The following MYO16 variants were observed in gnomAD, a reference collection of about 807,000 sequenced individuals.
MYO16 encodes the protein unconventional myosin-XVI.
A neutral mutation model predicts 205.3 loss-of-function variants in MYO16; 94 were observed. The ratio of observed to expected loss-of-function variants is 0.46; its 90% CI spans 0.39 to 0.54. The LOEUF (loss-of-function observed/expected upper bound fraction) is 0.54, where lower values mean the gene tolerates loss of function less well. Among genes scored for constraint, MYO16 ranks in the 20% least tolerant of loss-of-function variants. MYO16 has a pLI of 0.00. For synonymous variants in MYO16, 988 were observed against 954.0 expected (o/e 1.04, Z -0.66); for missense variants, 2,315 against 2,387.5 (o/e 0.97, Z 0.63).
chr13:108,678,252 C>T (rs376180462), intron 2 of MYO16, among the ~76,000 whole-genome samples: 4 of 152,292 alleles, frequency 2.6e-5, no homozygotes, highest in African/African-American at 7.2e-5. Context: ...CTTCATAAAG[C>T]AGCATTTGCA....
chr13:108,595,517 G>A (rs531063427), upstream of MYO16, among the ~76,000 whole-genome samples: 12 of 152,250 alleles, frequency 7.9e-5, no homozygotes, highest in South Asian at 2.1e-4. Flanking sequence ...AGGTAGTTCC[G>A]TTCTTTTAGT....
At chr13:108,534,709 AG>A in the MYO16 span, among the ~76,000 whole-genome samples, 1 of 151,676 alleles carries the variant, frequency 6.6e-6, no homozygotes, top group South Asian at 2.1e-4. Flanking sequence ...ATAGGTGAAA[AG>A]TAATACCTGA....
chr13:108,666,227 A>T, intron 2 of MYO16, 78 bp downstream of exon 2: 2 of 1,434,284 alleles, frequency 1.4e-6, no homozygotes, highest in Non-Finnish European at 1.9e-6. Flanking sequence ...TGTTTTTTTG[A>T]TGGAGAGATG....
At position 108,986,064 on chromosome 13, in the gene MYO16, G is replaced by A. The variant is rs73616481; in HGVS notation, c.2370-6312G>A. 7.1e-3 allele frequency among the ~76,000 whole-genome samples: 1,086 copies of A among 152,248 alleles called. 10 individuals are homozygous for A. Among genetic ancestry groups the A allele is most frequent in the African/African-American group, 0.023 (963 of 41,534 alleles). ...CTTACATGGCAGCAGGCAAGAGAGC[G>A]TGTGCAAAAGGAACCACCTTTTATA... On this transcript the variant is annotated intron_variant, in intron 20 of 34. Coordinates refer to ENST00000457511, the MANE Select transcript of MYO16 (RefSeq NM_001198950.3).
intron 1 of MYO16, among the ~76,000 whole-genome samples, chr13:108,642,438 G>A (rs545126075): frequency 2.6e-5 from 4 of 152,196 alleles, no homozygotes; most frequent in Admixed American, 2.0e-4. Flanking sequence ...GTAACTTTGG[G>A]TGTTTTTGTT....
At chr13:108,900,626 A>T (rs1444715543) in intron 15 of MYO16, among the ~76,000 whole-genome samples, 1 of 152,156 alleles carries the variant, frequency 6.6e-6, no homozygotes, top group Non-Finnish European at 1.5e-5. Flanking sequence ...GTGATTTCCT[A>T]TGCCTGTCTT....
intron 20 of MYO16, among the ~76,000 whole-genome samples, chr13:108,970,398 C>T (rs527828572): frequency 2.6e-5 from 4 of 152,206 alleles, no homozygotes; most frequent in Admixed American, 1.3e-4. Flanking sequence ...AATCAGGTCC[C>T]GAGACTTTTC....
chr13:108,771,210 T>C (rs1885952509), intron 4 of MYO16, among the ~76,000 whole-genome samples: 1 of 152,100 alleles, frequency 6.6e-6, no homozygotes, highest in South Asian at 2.1e-4. Context: ...GAGAGGGTAG[T>C]CCTCACTTTT....
At chr13:109,147,222 G>T (rs1877383696) in intron 32 of MYO16, among the ~76,000 whole-genome samples, 1 of 152,136 alleles carries the variant, frequency 6.6e-6, no homozygotes, top group African/African-American at 2.4e-5. Flanking sequence ...AACTAACTAT[G>T]AAAGATCAAA....
chr13:109,057,787 A>C (rs757549966), intron 27 of MYO16, among the ~76,000 whole-genome samples: 2 of 152,132 alleles, frequency 1.3e-5, no homozygotes, highest in Non-Finnish European at 2.9e-5. Context: ...AAACTTTCTG[A>C]ATCAGTATCA....
At chr13:109,143,467 A>G (rs1256589429) in intron 32 of MYO16, among the ~76,000 whole-genome samples, 1 of 152,214 alleles carries the variant, frequency 6.6e-6, no homozygotes, top group Non-Finnish European at 1.5e-5. Context: ...AAAATGGATA[A>G]GAGAAAATCA....
At chr13:108,717,820 C>T (rs1195093705) in intron 3 of MYO16, among the ~76,000 whole-genome samples, 3 of 152,008 alleles carry the variant, frequency 2.0e-5, no homozygotes, top group African/African-American at 4.8e-5. Context: ...AACAGTGACT[C>T]AGGTTGGGGA....
chr13:108,503,551 G>C, the MYO16 span, among the ~76,000 whole-genome samples: 1 of 152,052 alleles, frequency 6.6e-6, no homozygotes, highest in African/African-American at 2.4e-5. Flanking sequence ...TTCAAGTGAG[G>C]CTCAAGTTAA....
At chr13:108,850,148 T>C (rs1469382308) in intron 10 of MYO16, among the ~76,000 whole-genome samples, 1 of 152,010 alleles carries the variant, frequency 6.6e-6, no homozygotes, top group Admixed American at 6.6e-5. Flanking sequence ...TTATCCATAC[T>C]GGGTTATTTG....
At chr13:108,852,469 T>C (rs1877929334) in intron 10 of MYO16, among the ~76,000 whole-genome samples, 1 of 152,230 alleles carries the variant, frequency 6.6e-6, no homozygotes, top group South Asian at 2.1e-4. Context: ...CTCTGGGCCT[T>C]AAGTTCTTCA....
At chr13:108,741,040 C>T (rs1275002130) in intron 4 of MYO16, among the ~76,000 whole-genome samples, 2 of 152,116 alleles carry the variant, frequency 1.3e-5, no homozygotes, top group East Asian at 3.9e-4. Flanking sequence ...GTCATGGCTT[C>T]CCTTGGCTAG....
At position 109,125,280 on chromosome 13, in the gene MYO16, G is replaced by T. The variant is rs371724164; in HGVS notation, c.3704G>T (p.Arg1235Leu). ...TCAGACATTGCCCGGGAAAATGACCGGCTCCGTAGTGAAATGAACGCTCCC... is the reference window on the plus strand; with the variant it reads ...TCAGACATTGCCCGGGAAAATGACCTGCTCCGTAGTGAAATGAACGCTCCC... ...NASDIARENDRLRSEMNAPYH... is the reference protein window; with the variant it reads ...NASDIARENDLLRSEMNAPYH... The change falls in exon 30 of 35, where the codon CGG becomes CTG. Residue 1235 changes from arginine (R) to leucine (L), a missense_variant. Around this residue, in one of 3 missense-constraint regions of MYO16, gnomAD observed 1,097 missense variants for 1,092.0 expected, o/e 1.00. Coordinates refer to ENST00000457511, the MANE Select transcript of MYO16 (RefSeq NM_001198950.3). This position sits in a 1 kb window ranked among gnomAD's most constrained non-coding sequence, Gnocchi z 4.0. 1.8e-5 allele frequency: 29 copies of T among 1,613,964 alleles called. No individual in the cohort carries two copies. The highest frequency in any genetic ancestry group is 1.8e-4 in the South Asian group (16 of 91,076).
chr13:109,131,231 C>T (rs1025410), intron 31 of MYO16, among the ~76,000 whole-genome samples: 16,646 of 152,128 alleles, frequency 0.11, 1,153 homozygotes, highest in Middle Eastern at 0.17. Flanking sequence ...AATAAAGCTG[C>T]GAATCAATTC....
At chr13:108,599,705 A>G (rs962639104) in intron 1 of MYO16, among the ~76,000 whole-genome samples, 3 of 152,136 alleles carry the variant, frequency 2.0e-5, no homozygotes, top group African/African-American at 4.8e-5. Context: ...GTGAATTCCC[A>G]GGGAGCTGAA....
Sources: allele counts gnomAD v4.1 joint callset (sites outside exome capture counted in the v4.1 genomes callset), GRCh38; gene constraint gnomAD v4.1.1; regional missense constraint gnomAD v4.1.1; non-coding constraint Gnocchi (gnomAD v3.1); transcripts MANE v1.5; gene names NCBI Gene and HGNC (gene_info 2026-07-23, HGNC 2026-07-21).